SYT14: variants seen among roughly 807,000 people sequenced by gnomAD.
The protein encoded by SYT14 is synaptotagmin 14.
A neutral mutation model predicts 74.2 loss-of-function variants in SYT14; 32 were observed. The observed-to-expected ratio is 0.43, with a 90% CI of 0.33 to 0.58. SYT14 has a LOEUF of 0.58. SYT14 is among the 20% of genes least tolerant of loss of function. SYT14 has a pLI of 0.05. For synonymous variants in SYT14, 298 were observed against 337.7 expected (o/e 0.88, Z 1.29); for missense variants, 791 against 981.8 (o/e 0.81, Z 2.60).
chr1:210,017,836 C>A (rs537787051), intron 4 of SYT14, among the ~76,000 whole-genome samples: 2 of 152,268 alleles, frequency 1.3e-5, no homozygotes, highest in South Asian at 4.1e-4. Flanking sequence ...TAGTCATATC[C>A]ACTTATTGCT....
rs1572274330 is a variant in SYT14 at position 210,086,564 on chromosome 1, T to C, written c.1313-7758T>C. 1.3e-5 allele frequency among the ~76,000 whole-genome samples: 2 copies of C among 152,332 alleles called. 1 individual carries two copies. Among genetic ancestry groups the C allele is most frequent in the Middle Eastern group, 6.8e-3 (2 of 294 alleles). On this transcript the variant is annotated intron_variant, in intron 5 of 9. Transcript: ENST00000637265. The stretch of plus-strand genomic sequence containing the variant: ...CACAGACTCTTCTAGGCTCATCATG[T>C]ACTTTACCTGGCCTCACCCTGGAAT...
At chr1:209,986,401 C>T (rs11119382) in intron 2 of SYT14, among the ~76,000 whole-genome samples, 69,181 of 151,632 alleles carry the variant, frequency 0.46, 17,072 homozygotes, top group Non-Finnish European at 0.56. Flanking sequence ...GTCAGGAGAT[C>T]GAGACCATCC....
intron 7 of SYT14, among the ~76,000 whole-genome samples, chr1:210,109,224 G>T (rs1184272333): frequency 6.6e-6 from 1 of 152,116 alleles, no homozygotes; most frequent in Non-Finnish European, 1.5e-5. Context: ...AGGCATTAGA[G>T]AAATGCAAAT....
At chr1:210,102,434 C>T (rs1375924208) in intron 7 of SYT14, among the ~76,000 whole-genome samples, 6 of 152,142 alleles carry the variant, frequency 3.9e-5, no homozygotes, top group Non-Finnish European at 8.8e-5. Flanking sequence ...TTCTCAAAAT[C>T]TCATTGGTTG....
chr1:210,013,919 G>A (rs1304635773), intron 3 of SYT14, 122 bp downstream of exon 3: 1 of 956,126 alleles, frequency 1.0e-6, no homozygotes, highest in Non-Finnish European at 1.5e-6. Flanking sequence ...TTGAGCTACT[G>A]TTCTGTAAAA....
At chr1:209,968,638 G>A in intron 2 of SYT14, among the ~76,000 whole-genome samples, 1 of 151,878 alleles carries the variant, frequency 6.6e-6, no homozygotes, top group Non-Finnish European at 1.5e-5. Flanking sequence ...GAAACATACA[G>A]TATGTAGGCT....
At chr1:210,067,057 G>T (rs2081309489) in intron 5 of SYT14, among the ~76,000 whole-genome samples, 2 of 151,990 alleles carry the variant, frequency 1.3e-5, no homozygotes, top group Admixed American at 1.3e-4. Flanking sequence ...ATTTGTTGAA[G>T]ACTGTTCTTT....
At chr1:210,161,731 A>G (rs1397230930) in exon 10 of SYT14, 3 of 453,844 alleles carry the variant, frequency 6.6e-6, no homozygotes, top group Non-Finnish European at 1.3e-5. Flanking sequence ...GCCTGATCCA[A>G]AGAGACCAAG....
At chr1:210,014,278 T>A (rs2080141696) in intron 3 of SYT14, among the ~76,000 whole-genome samples, 1 of 152,092 alleles carries the variant, frequency 6.6e-6, no homozygotes, top group East Asian at 1.9e-4. Flanking sequence ...AGTAACTTAA[T>A]TTATATATAA....
intron 3 of SYT14, 133 bp downstream of exon 3, chr1:210,013,930 G>T: frequency 1.2e-6 from 1 of 846,890 alleles, no homozygotes; most frequent in Non-Finnish European, 1.8e-6. Context: ...TTCTGTAAAA[G>T]ATCTGTTAAG....
At chr1:210,032,721 CAGA>C (rs1028956769) in intron 5 of SYT14, among the ~76,000 whole-genome samples, 2 of 129,564 alleles carry the variant, frequency 1.5e-5, no homozygotes, top group African/African-American at 6.7e-5. Context: ...AATACTGTAG[CAGA>C]AGAATATATC....
At chr1:209,973,341 C>G (rs1197326175) in intron 2 of SYT14, among the ~76,000 whole-genome samples, 2 of 152,096 alleles carry the variant, frequency 1.3e-5, no homozygotes, top group Admixed American at 6.5e-5. Flanking sequence ...AGGTATATAT[C>G]CTAATGCTAT....
intron 6 of SYT14, among the ~76,000 whole-genome samples, chr1:210,096,117 A>G (rs1406674683): frequency 1.3e-5 from 2 of 152,210 alleles, no homozygotes; most frequent in Non-Finnish European, 2.9e-5. Context: ...TTTATAAATG[A>G]AAACATTAAG....
intron 2 of SYT14, among the ~76,000 whole-genome samples, chr1:209,990,549 G>GTATATATATGTATATATATATACGTATA: frequency 5.3e-5 from 3 of 56,892 alleles, no homozygotes; most frequent in African/African-American, 1.1e-4. Flanking sequence ...GTATATATAT[G>GTATATATATGTATATATATATACGTATA]TATATATATA....
chr1:210,114,592 C>T (rs138707107), intron 7 of SYT14, among the ~76,000 whole-genome samples: 4,494 of 151,234 alleles, frequency 0.03, 484 homozygotes, highest in African/African-American at 0.1. Context: ...TGTTGCCAAA[C>T]GGGCCATGAA....
At chr1:209,945,951 G>C (rs2078816390) in intron 1 of SYT14, among the ~76,000 whole-genome samples, 1 of 152,086 alleles carries the variant, frequency 6.6e-6, no homozygotes, top group Non-Finnish European at 1.5e-5. Flanking sequence ...TTGTGTCTCT[G>C]TGTCACGTTT....
intron 5 of SYT14, among the ~76,000 whole-genome samples, chr1:210,074,452 A>G (rs774589026): frequency 2.6e-5 from 4 of 152,220 alleles, no homozygotes; most frequent in Non-Finnish European, 5.9e-5. Flanking sequence ...AAATTATTAT[A>G]TGAGCATAAG....
chr1:210,082,536 G>A (rs547722069), intron 5 of SYT14, among the ~76,000 whole-genome samples: 1 of 152,324 alleles, frequency 6.6e-6, no homozygotes, highest in Admixed American at 6.5e-5. Flanking sequence ...GACTATGAGT[G>A]TAGATAAGCA....
At chr1:209,997,145 C>T (rs1034050586) in intron 2 of SYT14, among the ~76,000 whole-genome samples, 1 of 133,618 alleles carries the variant, frequency 7.5e-6, no homozygotes, top group South Asian at 2.4e-4. Context: ...TAAAAGGCAT[C>T]CAGATAGGGA....
Sources: gnomAD v4.1 joint callset for allele counts (sites outside exome capture counted in the v4.1 genomes callset) on GRCh38, gnomAD v4.1.1 for gene constraint, MANE v1.5 for transcripts, NCBI Gene and HGNC (gene_info 2026-07-23, HGNC 2026-07-21) for gene names.